PCDHGA3: variants seen among roughly 807,000 people sequenced by gnomAD.
PCDHGA3 encodes the protein protocadherin gamma-A3.
PCDHGA3 carries 40 observed loss-of-function variants against 58.5 expected under a neutral mutation model. The ratio of observed to expected loss-of-function variants is 0.68; its 90% CI spans 0.53 to 0.89. The LOEUF (loss-of-function observed/expected upper bound fraction) is 0.89. PCDHGA3 is among the 40% of genes least tolerant of loss of function. The pLI is 0.00. For synonymous variants in PCDHGA3, 530 were observed against 525.7 expected (o/e 1.01, Z -0.11); for missense variants, 1,223 against 1,195.9 (o/e 1.02, Z -0.33).
At position 141,431,869 on chromosome 5, in the gene PCDHGA3, T is replaced by C. The variant is rs140856757; in HGVS notation, c.2425-62938T>C. ...GAGGGACATTAATTGCCCTTTTAAA[T>C]GTAAATGACCAAGATTCTGAGGAAA... is the stretch of plus-strand genomic sequence containing the variant. On this transcript the variant is annotated intron_variant, in intron 1 of 3. Transcript: ENST00000253812. The surrounding 1 kb of genome is among the most constrained non-coding windows in gnomAD (Gnocchi z 4.8). 8.5e-4 allele frequency: 1,376 copies of C among 1,614,252 alleles called. 2 individuals carry two copies. Among genetic ancestry groups the C allele is most frequent in the Non-Finnish European group, 1.1e-3 (1,291 of 1,180,028 alleles).
intron 1 of PCDHGA3, chr5:141,441,144 T>C (rs141609485): frequency 6.6e-6 from 1 of 152,296 alleles, no homozygotes; most frequent in African/African-American, 2.4e-5. Context: ...TAGAAGATAA[T>C]GACAATATCC....
At chr5:141,365,966 G>C in intron 1 of PCDHGA3, 1 of 1,614,222 alleles carries the variant, frequency 6.2e-7, no homozygotes, top group Non-Finnish European at 8.5e-7. Context: ...TAGCAGCAAC[G>C]TGTCGCTGAG....
chr5:141,362,035 G>A, intron 1 of PCDHGA3: 2 of 1,609,742 alleles, frequency 1.2e-6, no homozygotes, highest in South Asian at 1.1e-5. Flanking sequence ...TGCCTTGGGC[G>A]ACAGGGACGC....
At chr5:141,357,941 A>C (rs558616787) in intron 1 of PCDHGA3, among the ~76,000 whole-genome samples, 1 of 152,214 alleles carries the variant, frequency 6.6e-6, no homozygotes, top group East Asian at 1.9e-4. Flanking sequence ...TGTAATCCTA[A>C]CACTTTGGGA....
At chr5:141,376,069 G>A in intron 1 of PCDHGA3, 1 of 1,613,452 alleles carries the variant, frequency 6.2e-7, no homozygotes, top group Non-Finnish European at 8.5e-7. Context: ...CGCTCACCGT[G>A]GCCGTGGCCG....
In PCDHGA3 at chr5:141,345,826, C is replaced by T; in HGVS notation, c.1793C>T (p.Ser598Leu). The T allele has an allele frequency of 6.2e-7, 1 of 1,613,600 alleles. No individual in the cohort carries two copies. Reference protein sequence around the residue: ...VTKVVAVDRDSGQNAWLSYRL... With the variant: ...VTKVVAVDRDLGQNAWLSYRL... ...AAGGTGGTGGCGGTGGACAGAGACTCGGGCCAGAACGCCTGGCTGTCCTAC... is the reference window on the plus strand; with the variant it reads ...AAGGTGGTGGCGGTGGACAGAGACTTGGGCCAGAACGCCTGGCTGTCCTAC... The change falls in exon 1 of 4, where the codon TCG becomes TTG. Residue 598 changes from serine to leucine, a missense_variant. Coordinates refer to ENST00000253812, the MANE Select transcript of PCDHGA3 (RefSeq NM_018916.4).
At chr5:141,429,599 A>G (rs2097227286) in intron 1 of PCDHGA3, among the ~76,000 whole-genome samples, 1 of 152,238 alleles carries the variant, frequency 6.6e-6, no homozygotes, top group Non-Finnish European at 1.5e-5. Flanking sequence ...TAATTCAAGT[A>G]AACTCAATTT....
Position 141,344,543 on chromosome 5 carries a change from C to T in PCDHGA3, c.510C>T (p.Tyr170=). ...TAGGCATTAACTCCCTGCAGAACTACAAGCTTAGCCCCAATGACTACTTCT... is the reference window on the plus strand; with the variant it reads ...TAGGCATTAACTCCCTGCAGAACTATAAGCTTAGCCCCAATGACTACTTCT... ...PDVGINSLQN[Y]KLSPNDYFSL... is the part of the protein sequence containing the mutation. The change falls in exon 1 of 4, where the codon TAC becomes TAT. Residue 170 remains tyrosine, a synonymous_variant. Coordinates refer to ENST00000253812, the MANE Select transcript of PCDHGA3 (RefSeq NM_018916.4). 3.7e-6 allele frequency: 6 copies of T among 1,614,030 alleles called. No individual in the cohort carries two copies. Among genetic ancestry groups the T allele is most frequent in the Non-Finnish European group, 5.1e-6 (6 of 1,179,902 alleles).
At chr5:141,413,199 A>T in intron 1 of PCDHGA3, 1 of 1,611,930 alleles carries the variant, frequency 6.2e-7, no homozygotes, top group Non-Finnish European at 8.5e-7. Flanking sequence ...GGAATCGCTC[A>T]AAGGAATCAA....
intron 1 of PCDHGA3, among the ~76,000 whole-genome samples, chr5:141,401,895 TC>T (rs2094205697): frequency 6.6e-6 from 1 of 152,224 alleles, no homozygotes; most frequent in Non-Finnish European, 1.5e-5. Context: ...GTGTTCTTTT[TC>T]CCAAATTATT....
In PCDHGA3 at chr5:141,485,848, C is replaced by T; in HGVS notation, c.2425-8959C>T. On this transcript the variant is annotated intron_variant, in intron 1 of 3. Coordinates refer to ENST00000253812, the MANE Select transcript of PCDHGA3 (RefSeq NM_018916.4). This position sits in a 1 kb window ranked among gnomAD's most constrained non-coding sequence, Gnocchi z 5.7. ...GAGGGAACCCGCCGAGATCTGGCAC[C>T]GCAGAGCTCCGGGTATCCGTGCTGG... The T allele has an allele frequency of 1.2e-6, 2 of 1,614,194 alleles. No homozygotes were observed. Among genetic ancestry groups the T allele is most frequent in the South Asian group, 2.2e-5 (2 of 91,080 alleles).
intron 1 of PCDHGA3, among the ~76,000 whole-genome samples, chr5:141,468,798 G>A (rs895012127): frequency 7.9e-5 from 12 of 151,646 alleles, no homozygotes; most frequent in East Asian, 2.0e-4. Context: ...CCCGGGAGGC[G>A]GAACTTGCAG....
At chr5:141,488,389 A>G (rs1322717951) in intron 1 of PCDHGA3, among the ~76,000 whole-genome samples, 1 of 152,224 alleles carries the variant, frequency 6.6e-6, no homozygotes, top group East Asian at 1.9e-4. Context: ...GAATTTGGTG[A>G]AACCATGAAA....
chr5:141,374,968 T>C, intron 1 of PCDHGA3: 2 of 1,614,056 alleles, frequency 1.2e-6, no homozygotes, highest in Non-Finnish European at 8.5e-7. Flanking sequence ...TCTGTTTGAA[T>C]GTTTTGACTG....
At chr5:141,354,915 TA>T (rs1175574849) in intron 1 of PCDHGA3, 5 of 411,134 alleles carry the variant, frequency 1.2e-5, no homozygotes, top group African/African-American at 4.1e-5. Context: ...GAAAAGTGTA[TA>T]AAAAATAAAC....
intron 1 of PCDHGA3, among the ~76,000 whole-genome samples, chr5:141,430,390 A>G (rs1231067120): frequency 6.6e-6 from 1 of 152,216 alleles, no homozygotes; most frequent in Non-Finnish European, 1.5e-5. Flanking sequence ...TGGGAAAAAA[A>G]AAAAAAGCTC....
At position 141,432,436 on chromosome 5, in the gene PCDHGA3, G is replaced by C; in HGVS notation, c.2425-62371G>C. ...TCGTGCTGGACCAGAACGACAATGC[G>C]CCCGAGATCCTGTACCCCGCCCTCC... On this transcript the variant is annotated intron_variant, in intron 1 of 3. Transcript: ENST00000253812. This position sits in a 1 kb window ranked among gnomAD's most constrained non-coding sequence, Gnocchi z 6.0. 1 of 1,614,196 alleles carries C rather than the reference G, an allele frequency of 6.2e-7. No individual in the cohort carries two copies. Among genetic ancestry groups the C allele is most frequent in the Middle Eastern group, 1.6e-4 (1 of 6,062 alleles).
chr5:141,351,662 G>A (rs1758780439), intron 1 of PCDHGA3: 1 of 1,613,900 alleles, frequency 6.2e-7, no homozygotes, highest in African/African-American at 1.3e-5. Context: ...CGCCTCCATT[G>A]CACAAGTAAG....
chr5:141,413,601 A>T (rs2095657842), intron 1 of PCDHGA3: 1 of 1,613,814 alleles, frequency 6.2e-7, no homozygotes, highest in African/African-American at 1.3e-5. Flanking sequence ...CAGAAAATCT[A>T]GACGTAAAAA....
Sources: gnomAD v4.1 joint callset for allele counts (sites outside exome capture counted in the v4.1 genomes callset) on GRCh38, gnomAD v4.1.1 for gene constraint, Gnocchi (gnomAD v3.1) non-coding constraint, MANE v1.5 for transcripts, NCBI Gene and HGNC (gene_info 2026-07-23, HGNC 2026-07-21) for gene names.